The following ST6GALNAC3 variants were observed in gnomAD, a reference collection of about 807,000 sequenced individuals.
The protein encoded by ST6GALNAC3 is alpha-N-acetylgalactosaminide alpha-2,6-sialyltransferase 3.
In ST6GALNAC3, 25 loss-of-function variants were observed where a neutral mutation model predicts 32.7. The ratio of observed to expected loss-of-function variants is 0.76; its 90% CI spans 0.56 to 1.07. The LOEUF (loss-of-function observed/expected upper bound fraction) is 1.07, where lower values mean the gene tolerates loss of function less well. ST6GALNAC3 is among the 50% of genes least tolerant of loss of function. The probability of loss-of-function intolerance (pLI) is 0.00; values close to 1 mark genes in which losing one functional copy is unlikely to be tolerated. For missense variants in ST6GALNAC3, 355 were observed against 382.4 expected (o/e 0.93, Z 0.60); for synonymous variants, 129 against 133.1 (o/e 0.97, Z 0.21).
intron 1 of ST6GALNAC3, among the ~76,000 whole-genome samples, chr1:76,249,533 C>CAGTTAT (rs1405018766): frequency 6.6e-6 from 1 of 151,894 alleles, no homozygotes; most frequent in East Asian, 1.9e-4. Flanking sequence ...TTCTACTTAT[C>CAGTTAT]AGTTATAGCC....
chr1:76,573,164 T>C (rs940014769), intron 3 of ST6GALNAC3, among the ~76,000 whole-genome samples: 1 of 152,080 alleles, frequency 6.6e-6, no homozygotes, highest in Non-Finnish European at 1.5e-5. Context: ...CCATGTCTTT[T>C]CCAGGGGGCA....
intron 1 of ST6GALNAC3, among the ~76,000 whole-genome samples, chr1:76,205,131 C>G (rs1654749249): frequency 6.6e-6 from 1 of 152,224 alleles, no homozygotes; most frequent in African/African-American, 2.4e-5. Flanking sequence ...GTATCAACAC[C>G]CTTCAACATG....
chr1:76,246,158 G>A (rs1271108033), intron 1 of ST6GALNAC3, among the ~76,000 whole-genome samples: 1 of 152,190 alleles, frequency 6.6e-6, no homozygotes, highest in Non-Finnish European at 1.5e-5. Context: ...TTACCATTAT[G>A]TAATGCCCTT....
intron 2 of ST6GALNAC3, among the ~76,000 whole-genome samples, chr1:76,332,252 C>T (rs1360305281): frequency 1.3e-5 from 2 of 152,190 alleles, no homozygotes; most frequent in African/African-American, 4.8e-5. Flanking sequence ...GGGGTTTCAT[C>T]ACTAATCTGC....
intron 2 of ST6GALNAC3, among the ~76,000 whole-genome samples, chr1:76,346,927 C>T (rs557639780): frequency 3.4e-4 from 51 of 152,044 alleles, no homozygotes; most frequent in African/African-American, 1.1e-3. Flanking sequence ...AGTATATAGA[C>T]GTAGAGAAAG....
intron 2 of ST6GALNAC3, among the ~76,000 whole-genome samples, chr1:76,389,893 C>T (rs1012503623): frequency 1.1e-4 from 16 of 152,094 alleles, no homozygotes; most frequent in African/African-American, 3.4e-4. Context: ...TTTATTATTA[C>T]GCCTTTTTTG....
intron 3 of ST6GALNAC3, among the ~76,000 whole-genome samples, chr1:76,498,359 A>C (rs1460501161): frequency 6.6e-6 from 1 of 152,184 alleles, no homozygotes; most frequent in Non-Finnish European, 1.5e-5. Flanking sequence ...AGGAGTGAGT[A>C]CATAGGTAAT....
At chr1:76,594,723 CTA>C (rs1243961676) in intron 3 of ST6GALNAC3, among the ~76,000 whole-genome samples, 1 of 152,112 alleles carries the variant, frequency 6.6e-6, no homozygotes, top group Non-Finnish European at 1.5e-5. Flanking sequence ...TTTCAATAAA[CTA>C]TGTTACCACT....
intron 3 of ST6GALNAC3, among the ~76,000 whole-genome samples, chr1:76,510,468 A>T (rs1419725035): frequency 6.6e-6 from 1 of 152,142 alleles, no homozygotes; most frequent in Non-Finnish European, 1.5e-5. Context: ...TAGGAACAAT[A>T]GAGTGAGGTA....
At chr1:76,362,678 A>C (rs1650060058) in intron 2 of ST6GALNAC3, among the ~76,000 whole-genome samples, 1 of 152,274 alleles carries the variant, frequency 6.6e-6, no homozygotes, top group South Asian at 2.1e-4. Context: ...GCCCCAGGCA[A>C]GTCCTAAACC....
At chr1:76,587,356 G>A (rs1646977251) in intron 3 of ST6GALNAC3, among the ~76,000 whole-genome samples, 1 of 152,156 alleles carries the variant, frequency 6.6e-6, no homozygotes, top group African/African-American at 2.4e-5. Flanking sequence ...GGTCCCCATG[G>A]AGACATTACT....
At chr1:76,246,688 C>T (rs1486440357) in intron 1 of ST6GALNAC3, among the ~76,000 whole-genome samples, 1 of 152,150 alleles carries the variant, frequency 6.6e-6, no homozygotes, top group African/African-American at 2.4e-5. Context: ...ACTGGTTATT[C>T]TAGTTAACAG....
chr1:76,452,693 T>C (rs1304763786), intron 3 of ST6GALNAC3, among the ~76,000 whole-genome samples: 1 of 152,292 alleles, frequency 6.6e-6, no homozygotes, highest in East Asian at 1.9e-4. Flanking sequence ...TGTTTTGTTA[T>C]GGATATTTGC....
chr1:76,122,301 G>A (rs575777571), intron 1 of ST6GALNAC3, among the ~76,000 whole-genome samples: 64 of 152,274 alleles, frequency 4.2e-4, no homozygotes, highest in East Asian at 5.8e-4. Context: ...TCCCCCATGC[G>A]TTATCTTCAT....
intron 1 of ST6GALNAC3, among the ~76,000 whole-genome samples, chr1:76,222,128 A>G (rs1655807538): frequency 1.3e-5 from 2 of 152,182 alleles, no homozygotes; most frequent in South Asian, 4.1e-4. Flanking sequence ...ATTAAAAATT[A>G]AACATTTAAA....
intron 3 of ST6GALNAC3, among the ~76,000 whole-genome samples, chr1:76,543,733 A>G (rs887241978): frequency 2.0e-5 from 3 of 152,176 alleles, no homozygotes; most frequent in African/African-American, 7.2e-5. Context: ...GGCCATTTGC[A>G]TAACTCCCAT....
intron 3 of ST6GALNAC3, among the ~76,000 whole-genome samples, chr1:76,552,985 T>C (rs1248390623): frequency 2.0e-5 from 3 of 152,176 alleles, no homozygotes; most frequent in Non-Finnish European, 4.4e-5. Flanking sequence ...GTCTCTTGAG[T>C]TTATCATGGA....
At chr1:76,090,422 AT>A (rs1277404784) in intron 1 of ST6GALNAC3, among the ~76,000 whole-genome samples, 2 of 152,226 alleles carry the variant, frequency 1.3e-5, no homozygotes, top group African/African-American at 4.8e-5. Flanking sequence ...AACTGGCCGG[AT>A]GGCTGTGCCT....
chr1:76,494,468 TACAC>T (rs1472281207), intron 3 of ST6GALNAC3, among the ~76,000 whole-genome samples: 11 of 59,526 alleles, frequency 1.8e-4, no homozygotes, highest in Non-Finnish European at 2.9e-4. Context: ...TATATATATA[TACAC>T]ACACACACAC....
Sources: allele counts gnomAD v4.1 joint callset (sites outside exome capture counted in the v4.1 genomes callset), GRCh38; gene constraint gnomAD v4.1.1; transcripts MANE v1.5; gene names NCBI Gene and HGNC (gene_info 2026-07-23, HGNC 2026-07-21).